Variants in DAB1 observed in about 807,000 individuals in gnomAD.
DAB1 encodes the protein disabled homolog 1.
Under a neutral mutation model 64.6 loss-of-function variants are expected in DAB1, and 15 were observed. The ratio of observed to expected loss-of-function variants is 0.23; its 90% CI spans 0.16 to 0.36. DAB1 has a LOEUF of 0.36. Among genes scored for constraint, DAB1 ranks in the 10% least tolerant of loss-of-function variants. The pLI, the probability that DAB1 is intolerant of heterozygous loss-of-function variation, is 1.00. For synonymous variants in DAB1, 235 were observed against 251.9 expected, an observed-to-expected ratio of 0.93 and a Z score of 0.64; for missense variants, 596 against 706.7, an observed-to-expected ratio of 0.84 and a Z score of 1.78.
intron 2 of DAB1, among the ~76,000 whole-genome samples, chr1:58,517,479 T>C (rs1646175664): frequency 6.6e-6 from 1 of 152,224 alleles, no homozygotes; most frequent in Non-Finnish European, 1.5e-5. Flanking sequence ...TTTATCTATT[T>C]CTTTCTCAGT....
chr1:58,493,034 C>T (rs1052918341), intron 3 of DAB1, among the ~76,000 whole-genome samples: 2 of 151,978 alleles, frequency 1.3e-5, no homozygotes, highest in African/African-American at 2.4e-5. Flanking sequence ...ACTGGCAAAC[C>T]AAATCCAGCA....
intron 6 of DAB1, among the ~76,000 whole-genome samples, chr1:57,785,225 A>T (rs1348854578): frequency 1.3e-5 from 2 of 152,194 alleles, no homozygotes; most frequent in African/African-American, 4.8e-5. Context: ...ATTACTGCTC[A>T]TTGACACACA....
chr1:58,421,361 A>T (rs1644770172), intron 3 of DAB1, among the ~76,000 whole-genome samples: 1 of 152,220 alleles, frequency 6.6e-6, no homozygotes, highest in Non-Finnish European at 1.5e-5. Flanking sequence ...GTAGTTAAGT[A>T]ATTAGCATTC....
intron 4 of DAB1, among the ~76,000 whole-genome samples, chr1:58,240,276 T>C (rs988276780): frequency 6.6e-6 from 1 of 152,196 alleles, no homozygotes; most frequent in Non-Finnish European, 1.5e-5. Context: ...GGATGTAAAA[T>C]AAAATTACAG....
Position 57,732,646 on chromosome 1 carries a change from C to T in DAB1, n.552-82981G>A, listed in dbSNP as rs368260795. On this transcript the variant is annotated intron_variant and non_coding_transcript_variant, in intron 6 of 20. Transcript: ENST00000485760. ...TAAAAATCCATCATCACCTGTGTGT[C>T]AGGTTTAGCTGCAGGGCAGGAGAAA... Among the ~76,000 whole-genome samples, 6 of 152,272 alleles carry T rather than the reference C, an allele frequency of 3.9e-5. No homozygotes were observed. The South Asian group carries it at 1.2e-3, about 32-fold the overall frequency.
intron 1 of DAB1, among the ~76,000 whole-genome samples, chr1:57,328,923 T>C (rs543543742): frequency 2.0e-5 from 3 of 152,212 alleles, no homozygotes; most frequent in Admixed American, 6.5e-5. Flanking sequence ...AATAAAATTA[T>C]TCGTAGTAGT....
intron 14 of DAB1, among the ~76,000 whole-genome samples, chr1:57,010,287 C>T (rs1194461881): frequency 6.6e-6 from 1 of 152,110 alleles, no homozygotes; most frequent in East Asian, 1.9e-4. Flanking sequence ...TAAATGCATG[C>T]TAAGTAGCAT....
chr1:57,266,921 C>G (rs2100576051), intron 2 of DAB1, among the ~76,000 whole-genome samples: 1 of 152,224 alleles, frequency 6.6e-6, no homozygotes, highest in South Asian at 2.1e-4. Flanking sequence ...GGGCACTGAA[C>G]AATCTCAACT....
chr1:57,933,668 T>C (rs1644984300), intron 5 of DAB1, among the ~76,000 whole-genome samples: 1 of 152,194 alleles, frequency 6.6e-6, no homozygotes, highest in Non-Finnish European at 1.5e-5. Context: ...TTTGCTGGAA[T>C]AAACAGGTCT....
At chr1:58,197,305 A>G (rs1053504831) in intron 4 of DAB1, among the ~76,000 whole-genome samples, 5 of 152,254 alleles carry the variant, frequency 3.3e-5, no homozygotes, top group Admixed American at 3.3e-4. Context: ...GCAGATATGC[A>G]GAAGGTAAAA....
chr1:58,092,989 T>G (rs1344807760), intron 5 of DAB1, among the ~76,000 whole-genome samples: 1 of 152,218 alleles, frequency 6.6e-6, no homozygotes, highest in Non-Finnish European at 1.5e-5. Context: ...TTAAATATTT[T>G]AATGGTTCAC....
chr1:57,181,765 G>C (rs1662961019), intron 2 of DAB1, among the ~76,000 whole-genome samples: 1 of 152,210 alleles, frequency 6.6e-6, no homozygotes, highest in Admixed American at 6.5e-5. Context: ...ATGTGAATTT[G>C]AATCCCAGCT....
intron 4 of DAB1, among the ~76,000 whole-genome samples, chr1:58,208,513 A>T (rs1365116369): frequency 6.6e-6 from 1 of 152,154 alleles, no homozygotes; most frequent in Non-Finnish European, 1.5e-5. Flanking sequence ...CTTGTAGCTT[A>T]GCTCCCACTT....
At chr1:58,033,004 C>T (rs1646992312) in intron 5 of DAB1, among the ~76,000 whole-genome samples, 1 of 152,198 alleles carries the variant, frequency 6.6e-6, no homozygotes, top group Admixed American at 6.5e-5. Flanking sequence ...TCACTCTGGT[C>T]CCTTTCTCTG....
chr1:58,156,429 T>G (rs1433279526), intron 4 of DAB1, among the ~76,000 whole-genome samples: 1 of 152,164 alleles, frequency 6.6e-6, no homozygotes, highest in East Asian at 1.9e-4. Flanking sequence ...AGCCCTTAAC[T>G]TTTTCCTCCT....
chr1:57,095,596 G>A (rs1004947823), intron 4 of DAB1, among the ~76,000 whole-genome samples: 1 of 152,200 alleles, frequency 6.6e-6, no homozygotes, highest in Non-Finnish European at 1.5e-5. Context: ...TGTCCACCCT[G>A]ATGGCTGGCA....
At chr1:57,972,722 T>C (rs963265129) in intron 5 of DAB1, among the ~76,000 whole-genome samples, 11 of 152,358 alleles carry the variant, frequency 7.2e-5, no homozygotes, top group African/African-American at 2.4e-4. Context: ...GAAAGAGCTA[T>C]GTTTATGAAC....
intron 11 of DAB1, among the ~76,000 whole-genome samples, chr1:57,022,578 T>C (rs1267901298): frequency 6.6e-6 from 1 of 152,262 alleles, no homozygotes; most frequent in African/African-American, 2.4e-5. Context: ...GCATTTTTAA[T>C]TTACTTTGAA....
chr1:58,431,456 G>A (rs1450524977), intron 3 of DAB1, among the ~76,000 whole-genome samples: 1 of 151,492 alleles, frequency 6.6e-6, no homozygotes, highest in Non-Finnish European at 1.5e-5. Flanking sequence ...TACTTGGGAG[G>A]CTGAGGCAGG....
Sources: gnomAD v4.1 joint callset for allele counts (sites outside exome capture counted in the v4.1 genomes callset) on GRCh38, gnomAD v4.1.1 for gene constraint, MANE v1.5 for transcripts, NCBI Gene and HGNC (gene_info 2026-07-23, HGNC 2026-07-21) for gene names.